Variants in IFT56 observed in about 807,000 individuals in gnomAD.
The protein encoded by IFT56 is intraflagellar transport 56.
At chr7:139,175,785 A>C in the IFT56 span, among the ~76,000 whole-genome samples, 1 of 152,022 alleles carries the variant, frequency 6.6e-6, no homozygotes, top group Non-Finnish European at 1.5e-5. Flanking sequence ...GGCTCCAAAA[A>C]AAAAAATTAG....
the IFT56 span, among the ~76,000 whole-genome samples, chr7:139,157,161 T>TC: frequency 7.6e-6 from 1 of 130,738 alleles, no homozygotes; most frequent in Non-Finnish European, 1.5e-5. Flanking sequence ...TTTTTTTTTT[T>TC]TTGAGACGAA....
At chr7:139,142,113 C>A in the IFT56 span, 1 of 835,660 alleles carries the variant, frequency 1.2e-6, no homozygotes, top group Middle Eastern at 2.3e-4. Context: ...GGACACCAGA[C>A]TCAAACAATA....
chr7:139,139,988 A>G, the IFT56 span: 1 of 1,608,774 alleles, frequency 6.2e-7, no homozygotes, highest in Non-Finnish European at 8.5e-7. Context: ...AACAAGCTGA[A>G]GCAGCTGGAT....
the IFT56 span, among the ~76,000 whole-genome samples, chr7:139,183,947 G>A: frequency 6.6e-6 from 1 of 152,156 alleles, no homozygotes; most frequent in Non-Finnish European, 1.5e-5. Context: ...TAATAAAAAG[G>A]AACTATAATG....
the IFT56 span, chr7:139,165,005 A>C: frequency 1.6e-6 from 1 of 606,416 alleles, no homozygotes; most frequent in Non-Finnish European, 2.7e-6. Flanking sequence ...TCAATATATC[A>C]ACTGATTCCC....
chr7:139,149,859 C>T, the IFT56 span, among the ~76,000 whole-genome samples: 1 of 151,974 alleles, frequency 6.6e-6, no homozygotes, highest in African/African-American at 2.4e-5. Context: ...ACTTTACTAA[C>T]ATTTTAATAA....
At chr7:139,174,087 C>T in the IFT56 span, 1 of 602,270 alleles carries the variant, frequency 1.7e-6, no homozygotes. Context: ...CTGTGCTGCT[C>T]AGGCGAGCTA....
At chr7:139,189,097 A>G in the IFT56 span, among the ~76,000 whole-genome samples, 4 of 152,222 alleles carry the variant, frequency 2.6e-5, no homozygotes, top group Non-Finnish European at 4.4e-5. Flanking sequence ...AACAAGGAAC[A>G]CTTGGATTGG....
the IFT56 span, among the ~76,000 whole-genome samples, chr7:139,148,817 G>T: frequency 6.6e-6 from 1 of 150,972 alleles, no homozygotes; most frequent in African/African-American, 2.4e-5. Context: ...GCTACTGGGG[G>T]GTTCGGGGGG....
chr7:139,173,188 CTT>C, the IFT56 span: 14 of 536,738 alleles, frequency 2.6e-5, no homozygotes, highest in African/African-American at 2.6e-4. Flanking sequence ...GTTTATGGCA[CTT>C]TCCTTAATTG....
At chr7:139,182,407 T>C in the IFT56 span, among the ~76,000 whole-genome samples, 1 of 152,122 alleles carries the variant, frequency 6.6e-6, no homozygotes, top group African/African-American at 2.4e-5. Flanking sequence ...TGGGTGGCAA[T>C]GCTCTTAAAT....
At chr7:139,154,741 G>A in the IFT56 span, among the ~76,000 whole-genome samples, 94 of 152,186 alleles carry the variant, frequency 6.2e-4, no homozygotes, top group Admixed American at 1.5e-3. Flanking sequence ...CTTACTTAGA[G>A]CAAGTTTTGA....
chr7:139,168,574 A>G, the IFT56 span: 10 of 589,704 alleles, frequency 1.7e-5, no homozygotes, highest in African/African-American at 1.7e-4. Flanking sequence ...AGAGACAAAA[A>G]AAAAAAACAA....
the IFT56 span, chr7:139,137,930 A>C: frequency 2.9e-5 from 47 of 1,611,058 alleles, no homozygotes; most frequent in Non-Finnish European, 3.7e-5. Context: ...ACTACAAGAG[A>C]GCTCTGGAGG....
chr7:139,191,771 T>G, the IFT56 span: 2 of 152,210 alleles, frequency 1.3e-5, no homozygotes, highest in African/African-American at 4.8e-5. Flanking sequence ...ATTGCATAGC[T>G]GGTTTTCTTA....
At chr7:139,168,974 A>G in the IFT56 span, among the ~76,000 whole-genome samples, 3 of 152,218 alleles carry the variant, frequency 2.0e-5, no homozygotes, top group African/African-American at 7.2e-5. Context: ...TCCTTGTTAT[A>G]TCTACAGCTC....
chr7:139,148,723 G>GCACCACC, the IFT56 span, among the ~76,000 whole-genome samples: 4 of 151,788 alleles, frequency 2.6e-5, no homozygotes, highest in Non-Finnish European at 5.9e-5. Context: ...CCAGGAGTTT[G>GCACCACC]AGACCAGCCT....
chr7:139,179,711 G>A, the IFT56 span: 20 of 1,281,660 alleles, frequency 1.6e-5, no homozygotes, highest in Admixed American at 1.0e-4. Flanking sequence ...TAATCTGTTC[G>A]GAAATGACAT....
the IFT56 span, chr7:139,180,981 A>G: frequency 3.2e-6 from 2 of 627,102 alleles, no homozygotes; most frequent in East Asian, 6.1e-5. Flanking sequence ...AAAGCTTTCC[A>G]TTACTTTATT....
Sources: gnomAD v4.1 joint callset for allele counts (sites outside exome capture counted in the v4.1 genomes callset) on GRCh38, gnomAD v4.1.1 for gene constraint, MANE v1.5 for transcripts, NCBI Gene and HGNC (gene_info 2026-07-23, HGNC 2026-07-21) for gene names.